XKRX: variants seen among roughly 807,000 people sequenced by gnomAD.
XKRX encodes the protein XK-related protein 2.
XKRX carries 11 observed loss-of-function variants against 22.4 expected under a neutral mutation model. That is an observed-to-expected ratio of 0.49 (90% CI 0.31 to 0.81). The LOEUF is 0.81. Ranked by LOEUF, XKRX falls within the 40% of genes least tolerant of loss-of-function variation. The pLI, the probability that XKRX is intolerant of heterozygous loss-of-function variation, is 0.05. For synonymous variants in XKRX, 114 were observed against 132.2 expected, an observed-to-expected ratio of 0.86 and a Z score of 0.94; for missense variants, 320 against 336.5, an observed-to-expected ratio of 0.95 and a Z score of 0.38.
chrX:100,898,597 CA>C, the XKRX span, among the ~76,000 whole-genome samples: 148 of 96,311 alleles, frequency 1.5e-3, no homozygotes, highest in South Asian at 2.5e-3. Context: ...ACAACAACAA[CA>C]AAAAAAAAAA....
chrX:100,924,931 AC>A (rs1050227634), intron 1 of XKRX, among the ~76,000 whole-genome samples: 1 of 111,483 alleles, frequency 9.0e-6, no homozygotes, highest in Non-Finnish European at 1.9e-5. Flanking sequence ...TCCATAGATC[AC>A]CCTAAGACTG....
At chrX:100,936,945 T>C in the XKRX span, among the ~76,000 whole-genome samples, 1 of 108,117 alleles carries the variant, frequency 9.2e-6, no homozygotes, top group South Asian at 4.2e-4. Context: ...TGTCAGGTTG[T>C]AACAGAAGCA....
At position 100,915,711 on chromosome X, in the gene XKRX, T is replaced by C. The variant is rs762256069; in HGVS notation, c.605-628A>G. Among the ~76,000 whole-genome samples the C allele has an allele frequency of 6.6e-3, 474 of 72,162 alleles. 3 individuals are homozygous for C. The highest frequency in any genetic ancestry group is 0.017 in the African/African-American group (369 of 21,443). The allele number at this position is 72,162 out of a possible 115,157, so 62.7% of individuals were successfully genotyped here. A position where few individuals can be genotyped will look rare whatever the true frequency, so the allele number is the denominator to read the frequency against. ...GTCTGTGTGTGTGTGTGTGTGTGCG[T>C]GTGTGTGTGTGTGTGTATGAATATT... On this transcript the variant is annotated intron_variant, in intron 2 of 2. Transcript: ENST00000372956.
At chrX:100,912,144 T>A (rs1455777315), downstream of XKRX, among the ~76,000 whole-genome samples, 2 of 111,944 alleles carry the variant, frequency 1.8e-5, no homozygotes, top group Non-Finnish European at 3.8e-5. Flanking sequence ...GAGGGTACAG[T>A]GACTATTGGG....
intron 1 of XKRX, 71 bp downstream of exon 1, chrX:100,927,899 T>A: frequency 9.1e-7 from 1 of 1,096,096 alleles, no homozygotes; most frequent in South Asian, 2.2e-5. Context: ...ATCTTGTAAA[T>A]CTTTCATCTT....
intron 1 of XKRX, among the ~76,000 whole-genome samples, chrX:100,923,333 AGAG>A (rs1375009920): frequency 2.7e-5 from 3 of 111,668 alleles, no homozygotes; most frequent in Admixed American, 9.5e-5. Context: ...ATTTGTGTAG[AGAG>A]GAGATCTAGA....
chrX:100,890,517 C>T, the XKRX span, among the ~76,000 whole-genome samples: 6 of 110,291 alleles, frequency 5.4e-5, no homozygotes, highest in Admixed American at 5.8e-4. Context: ...CCAGCAAGTC[C>T]TTTACATAAA....
the XKRX span, among the ~76,000 whole-genome samples, chrX:100,946,135 G>A: frequency 1.8e-5 from 2 of 108,894 alleles, no homozygotes; most frequent in African/African-American, 3.4e-5. Context: ...GCAGTGAGCC[G>A]AGTTGGTGCC....
At chrX:100,894,034 C>G in the XKRX span, among the ~76,000 whole-genome samples, 1 of 110,793 alleles carries the variant, frequency 9.0e-6, no homozygotes, top group Non-Finnish European at 1.9e-5. Context: ...TTTGGGAGGC[C>G]GAGGCAGGCG....
chrX:100,915,244 T>C, intron 2 of XKRX, among the ~76,000 whole-genome samples, 161 bp from the exon 3 acceptor site: 1 of 111,654 alleles, frequency 9.0e-6, no homozygotes, highest in East Asian at 2.8e-4. Flanking sequence ...ACAAATAGCA[T>C]GCACTTGAAT....
At chrX:100,920,070 A>G (rs1291215673) in intron 2 of XKRX, among the ~76,000 whole-genome samples, 2 of 111,021 alleles carry the variant, frequency 1.8e-5, no homozygotes, top group African/African-American at 6.5e-5. Flanking sequence ...CATGGCCTCC[A>G]AACATCTGCA....
chrX:100,902,410 G>A, the XKRX span, among the ~76,000 whole-genome samples: 564 of 111,711 alleles, frequency 5.0e-3, 4 homozygotes, highest in African/African-American at 0.013. Flanking sequence ...TATGAGGCCA[G>A]CATTACCGTA....
At chrX:100,899,527 G>C in the XKRX span, among the ~76,000 whole-genome samples, 2 of 112,263 alleles carry the variant, frequency 1.8e-5, no homozygotes, top group African/African-American at 3.2e-5. Context: ...AAAAGAGAGA[G>C]AGAAATTGAG....
chrX:100,957,297 T>C, the XKRX span: 4 of 1,024,341 alleles, frequency 3.9e-6, no homozygotes, highest in Non-Finnish European at 5.5e-6. Flanking sequence ...TGTTCATCTT[T>C]GTCAAAAATA....
At chrX:100,931,423 G>A (rs1294499299), upstream of XKRX, among the ~76,000 whole-genome samples, 7 of 110,647 alleles carry the variant, frequency 6.3e-5, no homozygotes, top group South Asian at 7.6e-4. Flanking sequence ...TCCTATTTGC[G>A]TTGCTCACTC....
the XKRX span, among the ~76,000 whole-genome samples, chrX:100,890,235 G>T: frequency 9.1e-6 from 1 of 110,405 alleles, no homozygotes; most frequent in Non-Finnish European, 1.9e-5. Flanking sequence ...AGAAGCGTCT[G>T]AATATTAGAG....
chrX:100,888,384 C>A, the XKRX span: 16 of 807,785 alleles, frequency 2.0e-5, no homozygotes, highest in Non-Finnish European at 3.0e-5. Flanking sequence ...TTCGTGGCTG[C>A]ATCCACCTCC....
At chrX:100,916,243 G>A (rs1437987424) in intron 2 of XKRX, among the ~76,000 whole-genome samples, 6 of 111,221 alleles carry the variant, frequency 5.4e-5, no homozygotes, top group Non-Finnish European at 7.5e-5. Context: ...CAAAATAGAT[G>A]CACAAAAAAT....
At chrX:100,902,253 A>C in the XKRX span, among the ~76,000 whole-genome samples, 1 of 112,112 alleles carries the variant, frequency 8.9e-6, no homozygotes. Flanking sequence ...ATCTTATCAA[A>C]ATTTGTGGAA....
Sources: allele counts gnomAD v4.1 joint callset (sites outside exome capture counted in the v4.1 genomes callset), GRCh38; gene constraint gnomAD v4.1.1; transcripts MANE v1.5; gene names NCBI Gene and HGNC (gene_info 2026-07-23, HGNC 2026-07-21).